Variants in DACH1 observed in about 807,000 individuals in gnomAD.
The protein encoded by DACH1 is dachshund family transcription factor 1, also known as dachshund homolog 1.
A neutral mutation model predicts 54.2 loss-of-function variants in DACH1; 12 were observed. That is an observed-to-expected ratio of 0.22 (90% CI 0.14 to 0.36). The LOEUF (loss-of-function observed/expected upper bound fraction) is 0.36. Ranked by LOEUF, DACH1 falls within the 10% of genes least tolerant of loss-of-function variation. The pLI is 1.00. For synonymous variants in DACH1, 386 were observed against 366.2 expected (o/e 1.05, Z -0.62); for missense variants, 805 against 929.8 (o/e 0.87, Z 1.75).
intron 1 of DACH1, among the ~76,000 whole-genome samples, chr13:71,713,506 A>G (rs1882828240): frequency 6.6e-6 from 1 of 152,184 alleles, no homozygotes; most frequent in Admixed American, 6.6e-5. Context: ...AGTAAAAAAC[A>G]GATGATTTAA....
chr13:71,639,541 T>C (rs79400237), intron 2 of DACH1, among the ~76,000 whole-genome samples: 10,480 of 152,162 alleles, frequency 0.069, 1,156 homozygotes, highest in African/African-American at 0.23. Context: ...AATTTGGAGA[T>C]ATATACAGTA....
intron 1 of DACH1, among the ~76,000 whole-genome samples, chr13:71,696,290 T>C (rs992401194): frequency 2.0e-5 from 3 of 152,196 alleles, no homozygotes; most frequent in African/African-American, 7.2e-5. Context: ...CTGAACACTT[T>C]GATGCACATT....
chr13:71,498,743 G>A (rs1879657479), intron 6 of DACH1, among the ~76,000 whole-genome samples: 1 of 151,892 alleles, frequency 6.6e-6, no homozygotes, highest in Non-Finnish European at 1.5e-5. Flanking sequence ...GGTTGTATGA[G>A]GAAACCATGC....
At chr13:71,828,237 G>A (rs539020730) in intron 1 of DACH1, among the ~76,000 whole-genome samples, 1 of 152,026 alleles carries the variant, frequency 6.6e-6, no homozygotes, top group African/African-American at 2.4e-5. Flanking sequence ...CTCTTCTGAG[G>A]AAGACTTGAA....
At chr13:71,832,720 A>G (rs1249784140) in intron 1 of DACH1, among the ~76,000 whole-genome samples, 4 of 151,960 alleles carry the variant, frequency 2.6e-5, no homozygotes, top group Non-Finnish European at 5.9e-5. Context: ...ATCTTCTACT[A>G]CTGGAAATGT....
intron 2 of DACH1, among the ~76,000 whole-genome samples, chr13:71,642,227 A>T (rs994978358): frequency 6.6e-6 from 1 of 152,238 alleles, no homozygotes; most frequent in Non-Finnish European, 1.5e-5. Context: ...AAATCACTGC[A>T]GTAGATTTAT....
intron 10 of DACH1, among the ~76,000 whole-genome samples, chr13:71,458,872 T>C (rs1039869467): frequency 5.9e-5 from 9 of 151,882 alleles, no homozygotes; most frequent in African/African-American, 2.2e-4. Context: ...AAATATGTAT[T>C]TTATTAGAAG....
At chr13:71,715,642 A>G (rs1419694707) in intron 1 of DACH1, among the ~76,000 whole-genome samples, 3 of 152,040 alleles carry the variant, frequency 2.0e-5, no homozygotes, top group East Asian at 3.8e-4. Context: ...ATAGCTGTCT[A>G]TTGGTGAACA....
At chr13:71,808,903 A>G (rs988211966) in intron 1 of DACH1, among the ~76,000 whole-genome samples, 8 of 152,142 alleles carry the variant, frequency 5.3e-5, no homozygotes, top group African/African-American at 1.9e-4. Context: ...AGAACTTAAA[A>G]CCTCACAATT....
intron 6 of DACH1, among the ~76,000 whole-genome samples, chr13:71,543,395 G>C (rs1329003992): frequency 6.6e-6 from 1 of 151,934 alleles, no homozygotes; most frequent in Non-Finnish European, 1.5e-5. Flanking sequence ...ATATTTAGAT[G>C]ATTAAAACAA....
chr13:71,542,236 G>A (rs1164234210), intron 6 of DACH1, among the ~76,000 whole-genome samples: 2 of 151,776 alleles, frequency 1.3e-5, no homozygotes, highest in African/African-American at 2.4e-5. Flanking sequence ...GGAAACGAGC[G>A]AAACTCCGTC....
chr13:71,762,018 T>C (rs1387934719), intron 1 of DACH1, among the ~76,000 whole-genome samples: 1 of 152,178 alleles, frequency 6.6e-6, no homozygotes, highest in African/African-American at 2.4e-5. Flanking sequence ...CTGCTATGTA[T>C]ACTTAATTAT....
chr13:71,851,126 T>C (rs1873633067), intron 1 of DACH1, among the ~76,000 whole-genome samples: 1 of 152,162 alleles, frequency 6.6e-6, no homozygotes, highest in South Asian at 2.1e-4. Flanking sequence ...AGAGGAAATA[T>C]AATCTAAGAT....
intron 2 of DACH1, among the ~76,000 whole-genome samples, chr13:71,634,396 G>T: frequency 6.6e-6 from 1 of 152,056 alleles, no homozygotes; most frequent in South Asian, 2.1e-4. Context: ...CTGCTCCTCC[G>T]GCTCCCCCTT....
At chr13:71,529,174 G>A (rs1169657981) in intron 6 of DACH1, among the ~76,000 whole-genome samples, 1 of 133,828 alleles carries the variant, frequency 7.5e-6, no homozygotes, top group Admixed American at 8.3e-5. Context: ...AAACAATATT[G>A]TGATTTGGGT....
At chr13:71,497,053 C>A (rs1268250367) in intron 6 of DACH1, among the ~76,000 whole-genome samples, 1 of 152,044 alleles carries the variant, frequency 6.6e-6, no homozygotes, top group African/African-American at 2.4e-5. Context: ...CAAGTACAAG[C>A]AAATTTTAGA....
chr13:71,602,256 T>C (rs144358164), intron 3 of DACH1, among the ~76,000 whole-genome samples: 132 of 152,180 alleles, frequency 8.7e-4, no homozygotes, highest in African/African-American at 2.7e-3. Context: ...TTAAAGTGTT[T>C]TCTAAGTAAA....
At chr13:71,771,572 A>G (rs1227542002) in intron 1 of DACH1, among the ~76,000 whole-genome samples, 1 of 151,542 alleles carries the variant, frequency 6.6e-6, no homozygotes, top group Non-Finnish European at 1.5e-5. Context: ...TCTAGAAAGT[A>G]GAAACAACAT....
At position 71,475,821 on chromosome 13, in the gene DACH1, C is replaced by A. The variant is rs1877470639; in HGVS notation, c.1899G>T (p.Glu633Asp). The A allele has an allele frequency of 6.2e-7, 1 of 1,613,336 alleles. No homozygotes were observed. The change falls in exon 9 of 11, where the codon GAG (glutamate) becomes GAT (aspartate). Residue 633 changes from glutamate (E) to aspartate (D), a missense_variant. By Grantham distance (45) the Glu-to-Asp change is conservative (BLOSUM62 2). Transcript: ENST00000613252. ...RAIVQKRLKK[E>D]KKAKRKLQEA... is the part of the protein sequence containing the mutation. ...CCTGCAATTTTCTCTTTGCCTTCTT[C>A]TCCTTCTTTAGCCTCTTTTGAACTA...
Sources: gnomAD v4.1 joint callset for allele counts (sites outside exome capture counted in the v4.1 genomes callset) on GRCh38, gnomAD v4.1.1 for gene constraint, MANE v1.5 for transcripts, NCBI Gene and HGNC (gene_info 2026-07-23, HGNC 2026-07-21) for gene names.